The following PKHD1L1 variants were observed in gnomAD, a reference collection of about 807,000 sequenced individuals.
PKHD1L1 encodes the protein fibrocystin-L.
A neutral mutation model predicts 462.9 loss-of-function variants in PKHD1L1; 434 were observed. The ratio of observed to expected loss-of-function variants is 0.94; its 90% CI spans 0.87 to 1.02. PKHD1L1 has a LOEUF of 1.02. Ranked by LOEUF, PKHD1L1 falls within the 50% of genes least tolerant of loss-of-function variation. The probability of loss-of-function intolerance (pLI) is 0.00; values close to 1 mark genes in which losing one functional copy is unlikely to be tolerated. For missense variants in PKHD1L1, 5,202 were observed against 5,096.1 expected (o/e 1.02, Z -0.63); for synonymous variants, 1,781 against 1,750.0 (o/e 1.02, Z -0.44).
intron 67 of PKHD1L1, chr8:109,499,343 C>T (rs1413611472): frequency 6.6e-6 from 1 of 152,226 alleles, no homozygotes; most frequent in Non-Finnish European, 1.5e-5. Context: ...GTGTCCCTTC[C>T]AGGATAATTT....
At position 109,413,512 on chromosome 8, in the gene PKHD1L1, C is replaced by T; in HGVS notation, c.2327C>T (p.Thr776Ile). Reference protein sequence around the residue: ...DNSKITRSTDTQFTYNFAYGN... With the variant: ...DNSKITRSTDIQFTYNFAYGN... ...AGCAAGATTACTAGAAGCACTGATA[C>T]ACAGTTTACATACAACTTTGCTTAT... Residue 776 changes from threonine (T) to isoleucine (I), a missense_variant, in exon 21 of 78, where the codon ACA (threonine) becomes ATA (isoleucine). Thr to Ile is a moderately conservative substitution (Grantham distance 89). Coordinates refer to ENST00000378402, the MANE Select transcript of PKHD1L1 (RefSeq NM_177531.6). 6.4e-7 allele frequency: 1 copy of T among 1,566,170 alleles called. No individual in the cohort carries two copies. The highest frequency in any genetic ancestry group is 8.7e-7 in the Non-Finnish European group (1 of 1,155,208).
At chr8:109,459,538 CA>C (rs1223795358) in intron 46 of PKHD1L1, 56 bp from the exon 47 acceptor site, 21 of 1,337,100 alleles carry the variant, frequency 1.6e-5, no homozygotes, top group Non-Finnish European at 2.1e-5. Context: ...TATACCAAAA[CA>C]ATATGTTATG....
chr8:109,439,861 G>A (rs1161963104), intron 32 of PKHD1L1, among the ~76,000 whole-genome samples: 1 of 152,042 alleles, frequency 6.6e-6, no homozygotes, highest in Admixed American at 6.6e-5. Context: ...GATGATTGCA[G>A]CAAAATCTTG....
At chr8:109,370,093 C>G (rs1811421946) in intron 2 of PKHD1L1, among the ~76,000 whole-genome samples, 1 of 152,090 alleles carries the variant, frequency 6.6e-6, no homozygotes, top group South Asian at 2.1e-4. Context: ...TCCCGGCTAC[C>G]CACTTACTGA....
intron 2 of PKHD1L1, among the ~76,000 whole-genome samples, chr8:109,377,715 A>G (rs1230240698): frequency 6.6e-6 from 1 of 152,198 alleles, no homozygotes; most frequent in East Asian, 1.9e-4. Context: ...TGTGTAATTT[A>G]CTTTGTGAAC....
intron 53 of PKHD1L1, among the ~76,000 whole-genome samples, chr8:109,477,879 T>C (rs1373306597): frequency 6.6e-6 from 1 of 152,220 alleles, no homozygotes; most frequent in Non-Finnish European, 1.5e-5. Flanking sequence ...TTAATTCTTT[T>C]AGTTAAAAAC....
At chr8:109,471,246 T>G (rs1817700739) in intron 50 of PKHD1L1, 6 of 517,584 alleles carry the variant, frequency 1.2e-5, no homozygotes, top group African/African-American at 2.0e-5. Flanking sequence ...TGAGTTCTTC[T>G]TTTTTAAAAT....
chr8:109,494,478 G>A (rs1378451797), intron 63 of PKHD1L1, among the ~76,000 whole-genome samples: 4 of 151,772 alleles, frequency 2.6e-5, no homozygotes, highest in Non-Finnish European at 4.4e-5. Flanking sequence ...GCAGAAAACC[G>A]AAAGCCACTT....
At position 109,510,830 on chromosome 8, in the gene PKHD1L1, C is replaced by G. The variant is rs1470086056; in HGVS notation, c.11449C>G (p.Leu3817Val). Residue 3817 changes from leucine (L) to valine (V), a missense_variant, in exon 71 of 78, where the codon CTG becomes GTG. Physicochemically the swap from Leu to Val is conservative, Grantham distance 32 (BLOSUM62 1). Around this residue, in one of 3 missense-constraint regions of PKHD1L1, gnomAD observed 698 missense variants for 736.3 expected, o/e 0.95. Transcript: ENST00000378402. ...AGYTCQRRLS[L>V]FHSIVALNKS... Reference sequence around the variant, plus strand: ...ATATACATGCCAGAGAAGGCTGTCCCTGTTTCACAGCATTGTGGCTCTGAA... The same window carrying G: ...ATATACATGCCAGAGAAGGCTGTCCGTGTTTCACAGCATTGTGGCTCTGAA... The G allele has an allele frequency of 6.2e-7, 1 of 1,613,228 alleles. No homozygotes were observed. Among genetic ancestry groups the G allele is most frequent in the Non-Finnish European group, 8.5e-7 (1 of 1,179,486 alleles).
rs143837495 is a variant in PKHD1L1 at position 109,533,116 on chromosome 8, CT to C, written c.*3028del. On this transcript the variant is annotated 3_prime_UTR_variant, in exon 78 of 78. Transcript: ENST00000378402. Reference sequence around the variant, plus strand: ...GAGCCCAAATTCCAACATTTAATTGCTTCCCACTTTTCCTCAAGCATGGGCA... The same window carrying C: ...GAGCCCAAATTCCAACATTTAATTGCTCCCACTTTTCCTCAAGCATGGGCA... Among the ~76,000 whole-genome samples the C allele has an allele frequency of 0.01, 1,528 of 152,366 alleles. 18 individuals are homozygous for C. The highest frequency in any genetic ancestry group is 0.015 in the Non-Finnish European group (1,003 of 68,038).
intron 22 of PKHD1L1, 38 bp downstream of exon 22, chr8:109,419,298 A>G (rs773255726): frequency 2.7e-6 from 4 of 1,479,224 alleles, no homozygotes; most frequent in Middle Eastern, 1.8e-4. Context: ...TAATCTAAAT[A>G]TAGTAAAATC....
chr8:109,509,296 A>C (rs1172512860), intron 70 of PKHD1L1, among the ~76,000 whole-genome samples: 2 of 151,996 alleles, frequency 1.3e-5, no homozygotes, highest in African/African-American at 4.8e-5. Context: ...ACTGTCAATG[A>C]ATAATGGAGT....
At chr8:109,413,670 A>C in intron 21 of PKHD1L1, 125 bp downstream of exon 21, 1 of 604,146 alleles carries the variant, frequency 1.7e-6, no homozygotes, top group East Asian at 3.4e-5. Flanking sequence ...CAAATAATGC[A>C]CACAATGGAT....
At chr8:109,522,601 A>G in intron 74 of PKHD1L1, 143 bp from the exon 75 acceptor site, 1 of 971,510 alleles carries the variant, frequency 1.0e-6, no homozygotes. Flanking sequence ...TAATGGAGGA[A>G]ATATTGTAAT....
Position 109,405,121 on chromosome 8 carries a change from G to GA in PKHD1L1, c.1666dup (p.Thr556AsnfsTer7), listed in dbSNP as rs1813468470. 3 of 1,458,734 alleles carry GA rather than the reference G, an allele frequency of 2.1e-6. No homozygotes were observed. The highest frequency in any genetic ancestry group is 1.4e-5 in the African/African-American group (1 of 70,220). 90.4% of individuals were successfully genotyped at this position (1,458,734 alleles called of 1,614,324 possible). On this transcript the variant is annotated frameshift_variant, in exon 16 of 78. Transcript: ENST00000378402. LOFTEE classifies it high-confidence loss of function. ...CCAATATAGATTAATCTATAATATG[G>GA]AAAAAACTGGTAAGTTATAAATAAT...
intron 11 of PKHD1L1, among the ~76,000 whole-genome samples, chr8:109,397,587 G>A (rs13267428): frequency 0.3 from 45,215 of 152,072 alleles, 7,313 homozygotes; most frequent in Admixed American, 0.43. Context: ...CTACTTGAGA[G>A]GCTGAGATGG....
chr8:109,442,104 G>C lies in PKHD1L1; in HGVS notation c.4302G>C (p.Gly1434=), dbSNP rs1288702735. The C allele has an allele frequency of 8.1e-6, 13 of 1,613,392 alleles. No homozygotes were observed. Among genetic ancestry groups the C allele is most frequent in the Non-Finnish European group, 1.1e-5 (13 of 1,179,590 alleles). The change falls in exon 35 of 78, where the codon GGG becomes GGC. Residue 1434 remains glycine, a synonymous_variant. Transcript: ENST00000378402. ...WHWQTHPFLR[G]IGYRIFSVSS... ...GGCAAACACATCCGTTTCTTAGAGG[G>C]ATAGGATATAGGATTTTTTCTGTCT...
chr8:109,446,287 C>T (rs1013422681), intron 38 of PKHD1L1, among the ~76,000 whole-genome samples: 4 of 151,972 alleles, frequency 2.6e-5, no homozygotes, highest in Non-Finnish European at 4.4e-5. Context: ...TACTGAATTC[C>T]GGAGAGGAAG....
chr8:109,452,676 G>A, intron 42 of PKHD1L1, 42 bp from the exon 43 acceptor site: 1 of 1,321,344 alleles, frequency 7.6e-7, no homozygotes, highest in Non-Finnish European at 9.7e-7. Context: ...AAAAACTCTG[G>A]TAAAATCCCT....
Sources: gnomAD v4.1 joint callset for allele counts (sites outside exome capture counted in the v4.1 genomes callset) on GRCh38, gnomAD v4.1.1 for gene constraint, gnomAD v4.1.1 regional missense constraint, MANE v1.5 for transcripts, NCBI Gene and HGNC (gene_info 2026-07-23, HGNC 2026-07-21) for gene names.